Variants in IL23R observed in about 807,000 individuals in gnomAD.
The protein encoded by IL23R is interleukin-23 receptor.
Under a neutral mutation model 56.9 loss-of-function variants are expected in IL23R, and 34 were observed. The observed-to-expected ratio is 0.60, with a 90% confidence interval of 0.45 to 0.80. The LOEUF is 0.80. IL23R is among the 30% of genes least tolerant of loss of function. The pLI is 0.00. For missense variants in IL23R, 635 were observed against 730.0 expected (o/e 0.87, Z 1.50); for synonymous variants, 230 against 249.2 (o/e 0.92, Z 0.73).
chr1:67,181,827 CTGTT>C (rs1436230013), intron 3 of IL23R, among the ~76,000 whole-genome samples: 9 of 152,276 alleles, frequency 5.9e-5, no homozygotes, highest in African/African-American at 2.2e-4. Context: ...GATGTCCTTT[CTGTT>C]TGTTAGTTTT....
chr1:67,167,212 C>T (rs746513895), intron 1 of IL23R, among the ~76,000 whole-genome samples: 5 of 152,104 alleles, frequency 3.3e-5, no homozygotes, highest in Admixed American at 1.3e-4. Context: ...CTGGGATGAC[C>T]GTCACATGCC....
chr1:67,242,663 T>A (rs774419707), intron 9 of IL23R, among the ~76,000 whole-genome samples: 7 of 152,186 alleles, frequency 4.6e-5, no homozygotes, highest in Non-Finnish European at 8.8e-5. Context: ...TGCTGTAGTG[T>A]GGATGGCAAG....
rs576439135 is a variant in IL23R, at chr1:67,241,180, A to G, written c.1148+899A>G. Among the ~76,000 whole-genome samples, 53 of 152,300 alleles carry G rather than the reference A, an allele frequency of 3.5e-4. 1 individual carries two copies. In the South Asian group the frequency reaches 7.7e-3, roughly 22 times the overall value. ...ATTTTGAGAGATTGACCAAAACTTT[A>G]GTCATTGATGTCACTATCACCATTG... On this transcript the variant is annotated intron_variant, in intron 9 of 10. Coordinates refer to ENST00000347310, the MANE Select transcript of IL23R (RefSeq NM_144701.3).
At chr1:67,235,283 T>C (rs922191115) in intron 7 of IL23R, among the ~76,000 whole-genome samples, 9 of 152,194 alleles carry the variant, frequency 5.9e-5, no homozygotes, top group Admixed American at 5.9e-4. Context: ...ACACGGGAAA[T>C]AACTTTTGGC....
At chr1:67,193,704 T>G (rs532689786) in intron 4 of IL23R, among the ~76,000 whole-genome samples, 1 of 152,298 alleles carries the variant, frequency 6.6e-6, no homozygotes, top group African/African-American at 2.4e-5. Flanking sequence ...CAAAGTGTTG[T>G]TCTCCTTTCT....
Position 67,160,367 on chromosome 1 carries a change from A to C in IL23R, c.-633-7725A>C, listed in dbSNP as rs146720151. ...TTGAAGTTTGGAGAGAAGTGTTTAA[A>C]TGGTACTTTTCAAATTGCCAATTGA... On this transcript the variant is annotated intron_variant, in intron 1 of 10. Coordinates refer to the IL23R transcript ENST00000637002. Among the ~76,000 whole-genome samples the C allele has an allele frequency of 2.8e-3, 423 of 152,344 alleles. 2 individuals carry two copies. The highest frequency in any genetic ancestry group is 9.8e-3 in the African/African-American group (407 of 41,592).
chr1:67,158,862 C>A (rs985019679), intron 1 of IL23R, among the ~76,000 whole-genome samples: 5 of 150,132 alleles, frequency 3.3e-5, no homozygotes, highest in Non-Finnish European at 5.9e-5. Context: ...GATAGTGAGA[C>A]TATCACTATC....
downstream of IL23R, among the ~76,000 whole-genome samples, chr1:67,260,698 T>G (rs1262741399): frequency 1.3e-5 from 2 of 152,152 alleles, no homozygotes; most frequent in African/African-American, 2.4e-5. Flanking sequence ...GATTAATATT[T>G]ATGGGCAAGG....
At chr1:67,248,012 G>A (rs149525092) in intron 9 of IL23R, among the ~76,000 whole-genome samples, 4,243 of 152,218 alleles carry the variant, frequency 0.028, 66 homozygotes, top group African/African-American at 0.033. Flanking sequence ...TCCCTTTGTA[G>A]GTAACCAGAC....
At chr1:67,164,253 T>A (rs1455532523), upstream of IL23R, among the ~76,000 whole-genome samples, 1 of 152,160 alleles carries the variant, frequency 6.6e-6, no homozygotes, top group African/African-American at 2.4e-5. Flanking sequence ...CCCAGCACTT[T>A]GGGAGGCTGA....
chr1:67,185,666 C>T (rs541716968), intron 4 of IL23R, among the ~76,000 whole-genome samples: 7 of 152,292 alleles, frequency 4.6e-5, no homozygotes, highest in Non-Finnish European at 1.5e-5. Flanking sequence ...AGAAACACCT[C>T]ATCAGTCAAG....
intron 3 of IL23R, 123 bp from the exon 4 acceptor site, chr1:67,182,713 G>A (rs1049030978): frequency 7.0e-5 from 70 of 995,200 alleles, no homozygotes; most frequent in Middle Eastern, 2.1e-4. Context: ...GAAATCGTTC[G>A]TCTTCTGCAT....
At chr1:67,261,247 G>T (rs1176375323), downstream of IL23R, among the ~76,000 whole-genome samples, 1 of 150,476 alleles carries the variant, frequency 6.6e-6, no homozygotes, top group African/African-American at 2.4e-5. Flanking sequence ...TCCCTTATTT[G>T]GATAATAAAT....
intron 1 of IL23R, among the ~76,000 whole-genome samples, chr1:67,150,193 A>T (rs1259962996): frequency 6.6e-6 from 1 of 150,420 alleles, no homozygotes; most frequent in Non-Finnish European, 1.5e-5. Flanking sequence ...TCTGAATTCC[A>T]GGTTCATATG....
At chr1:67,256,096 G>T (rs146640891) in intron 10 of IL23R, among the ~76,000 whole-genome samples, 169 bp downstream of exon 10, 38 of 152,272 alleles carry the variant, frequency 2.5e-4, no homozygotes, top group Admixed American at 2.1e-3. Flanking sequence ...ATACTTAAAA[G>T]AGATGAGACA....
intron 7 of IL23R, among the ~76,000 whole-genome samples, chr1:67,229,436 T>C (rs1198694656): frequency 3.3e-5 from 5 of 152,186 alleles, no homozygotes; most frequent in African/African-American, 1.2e-4. Context: ...TGTTCAGCTA[T>C]CCTGAAGCTC....
chr1:67,140,479 C>T (rs115742343), intron 1 of IL23R, among the ~76,000 whole-genome samples: 1,752 of 152,180 alleles, frequency 0.012, 33 homozygotes, highest in African/African-American at 0.04. Flanking sequence ...ATGACATAGT[C>T]GAAGTCATGT....
At chr1:67,183,653 A>T (rs1432497618) in intron 4 of IL23R, among the ~76,000 whole-genome samples, 3 of 152,238 alleles carry the variant, frequency 2.0e-5, no homozygotes. Context: ...TGGGCCTAAA[A>T]ATAAAACATA....
intron 4 of IL23R, among the ~76,000 whole-genome samples, chr1:67,187,774 C>G (rs1213638661): frequency 6.6e-6 from 1 of 152,118 alleles, no homozygotes; most frequent in Admixed American, 6.6e-5. Context: ...TATCAGAAAA[C>G]TCAAGTGCTG....
Sources: gnomAD v4.1 joint callset for allele counts (sites outside exome capture counted in the v4.1 genomes callset) on GRCh38, gnomAD v4.1.1 for gene constraint, MANE v1.5 for transcripts, NCBI Gene and HGNC (gene_info 2026-07-23, HGNC 2026-07-21) for gene names.